Variants in AKR1C3 observed in about 807,000 individuals in gnomAD.
AKR1C3 encodes the protein aldo-keto reductase family 1 member C3.
A neutral mutation model predicts 43.6 loss-of-function variants in AKR1C3; 48 were observed. That is an observed-to-expected ratio of 1.10 (90% CI 0.87 to 1.40). The LOEUF (loss-of-function observed/expected upper bound fraction) is 1.40, where lower values mean the gene tolerates loss of function less well. Among genes scored for constraint, AKR1C3 ranks in the 40% most tolerant of loss-of-function variants. The probability of loss-of-function intolerance (pLI) is 0.00; values close to 1 mark genes in which losing one functional copy is unlikely to be tolerated. For missense variants in AKR1C3, 482 were observed against 391.2 expected, an observed-to-expected ratio of 1.23 and a Z score of -1.96; for synonymous variants, 162 against 139.6, an observed-to-expected ratio of 1.16 and a Z score of -1.13.
intron 1 of AKR1C3, among the ~76,000 whole-genome samples, chr10:5,077,475 G>C (rs1182602944): frequency 6.6e-6 from 1 of 152,056 alleles, no homozygotes; most frequent in African/African-American, 2.4e-5. Context: ...ATTTCTTCTT[G>C]ACTCCCTACC....
chr10:5,088,171 C>A (rs936284296), intron 1 of AKR1C3, among the ~76,000 whole-genome samples: 55 of 152,172 alleles, frequency 3.6e-4, no homozygotes, highest in African/African-American at 1.3e-3. Context: ...TATTCAACTG[C>A]AGTCTGAAAA....
At chr10:5,073,819 G>C (rs1838658124) in intron 1 of AKR1C3, among the ~76,000 whole-genome samples, 1 of 152,038 alleles carries the variant, frequency 6.6e-6, no homozygotes, top group Non-Finnish European at 1.5e-5. Flanking sequence ...CCTGTTCTGT[G>C]GTTGTAAATC....
chr10:5,083,556 A>T (rs1398326018), intron 1 of AKR1C3, among the ~76,000 whole-genome samples: 2 of 152,180 alleles, frequency 1.3e-5, no homozygotes, highest in African/African-American at 2.4e-5. Flanking sequence ...ATGTGTCTTT[A>T]TAGCAGCATG....
chr10:5,105,723 G>C (rs782542928), intron 8 of AKR1C3, 46 bp downstream of exon 8: 30 of 1,470,966 alleles, frequency 2.0e-5, no homozygotes, highest in Non-Finnish European at 2.7e-5. Context: ...TTCTGGAGAA[G>C]GAATGTAGGA....
At chr10:5,084,757 T>C (rs1196805685) in intron 1 of AKR1C3, among the ~76,000 whole-genome samples, 4 of 152,168 alleles carry the variant, frequency 2.6e-5, no homozygotes, top group African/African-American at 7.2e-5. Context: ...TTTCATTGAG[T>C]AGTGGTTTGT....
At chr10:5,094,913 G>A (rs931765770) in intron 1 of AKR1C3, among the ~76,000 whole-genome samples, 3 of 152,062 alleles carry the variant, frequency 2.0e-5, no homozygotes, top group Non-Finnish European at 2.9e-5. Flanking sequence ...ACGATCCAGA[G>A]AAATACTTAT....
At chr10:5,100,577 T>A (rs1483084041) in intron 5 of AKR1C3, among the ~76,000 whole-genome samples, 2 of 152,178 alleles carry the variant, frequency 1.3e-5, no homozygotes, top group Admixed American at 6.5e-5. Flanking sequence ...CACAAAAAAA[T>A]TCAAAATTAA....
rs574925010 is a variant in AKR1C3 at position 5,059,803 on chromosome 10, C to A, written c.84+10908C>A. ...TCTCACCCCTCGGCGATAGTCTCAC[C>A]CCTTGGCAATAGGTGATGGTCCCTT... On this transcript the variant is annotated intron_variant, in intron 1 of 8. Coordinates refer to the AKR1C3 transcript ENST00000439082. 2.0e-3 allele frequency among the ~76,000 whole-genome samples: 310 copies of A among 152,152 alleles called. 2 individuals are homozygous for A. The highest frequency in any genetic ancestry group is 6.6e-3 in the African/African-American group (274 of 41,474).
intron 1 of AKR1C3, among the ~76,000 whole-genome samples, chr10:5,052,113 A>G (rs1434794965): frequency 2.6e-5 from 4 of 152,044 alleles, no homozygotes; most frequent in African/African-American, 9.7e-5. Context: ...TTCGGAGTTT[A>G]TTCCTTCTGG....
chr10:5,094,510 C>T lies in AKR1C3; in HGVS notation c.66C>T (p.Gly22=). The change falls in exon 1 of 9, where the codon GGC becomes GGT. Residue 22 remains glycine, a synonymous_variant. Transcript: ENST00000380554. ...ACTTCATGCCTGTATTGGGATTTGG[C>T]ACCTATGCACCTCCAGAGGTAAGAA... ...DGHFMPVLGF[G]TYAPPEVPRS... is the part of the protein sequence containing the mutation. The T allele has an allele frequency of 1.2e-6, 2 of 1,612,678 alleles. No individual in the cohort carries two copies. Among genetic ancestry groups the T allele is most frequent in the Non-Finnish European group, 1.7e-6 (2 of 1,178,914 alleles).
intron 1 of AKR1C3, among the ~76,000 whole-genome samples, chr10:5,057,923 C>A (rs1222399206): frequency 2.0e-5 from 3 of 152,198 alleles, no homozygotes; most frequent in South Asian, 2.1e-4. Context: ...TTGCCCTAGA[C>A]CCTGTAGGAC....
chr10:5,091,318 AC>A (rs1839084426), upstream of AKR1C3, among the ~76,000 whole-genome samples: 1 of 152,148 alleles, frequency 6.6e-6, no homozygotes. Context: ...GGCTTGAAAC[AC>A]CACAAATTAA....
At chr10:5,084,707 G>A (rs1302647022) in intron 1 of AKR1C3, among the ~76,000 whole-genome samples, 1 of 152,122 alleles carries the variant, frequency 6.6e-6, no homozygotes, top group Non-Finnish European at 1.5e-5. Flanking sequence ...TCCTACCCAT[G>A]AGCATGGAAT....
At chr10:5,085,505 G>T (rs528433413) in intron 1 of AKR1C3, among the ~76,000 whole-genome samples, 2 of 151,388 alleles carry the variant, frequency 1.3e-5, no homozygotes, top group Non-Finnish European at 2.9e-5. Flanking sequence ...TTTTTGCATC[G>T]ATTTCATCAG....
chr10:5,094,327 C>A, upstream of AKR1C3: 1 of 1,164,856 alleles, frequency 8.6e-7, no homozygotes, highest in Non-Finnish European at 1.2e-6. Flanking sequence ...TCCTACATGC[C>A]ATTGGTTAAC....
chr10:5,071,231 T>A (rs565143283), intron 1 of AKR1C3, among the ~76,000 whole-genome samples: 19 of 152,194 alleles, frequency 1.2e-4, no homozygotes, highest in Non-Finnish European at 2.1e-4. Flanking sequence ...AGTGATCTCA[T>A]TGGATGAGAG....
chr10:5,050,492 C>T (rs1564350105), intron 1 of AKR1C3, among the ~76,000 whole-genome samples: 1 of 152,180 alleles, frequency 6.6e-6, no homozygotes, highest in African/African-American at 2.4e-5. Flanking sequence ...AGTTATGTAA[C>T]TGCTGGCAGT....
chr10:5,076,775 C>G (rs1490321029), intron 1 of AKR1C3, among the ~76,000 whole-genome samples: 1 of 152,130 alleles, frequency 6.6e-6, no homozygotes, highest in East Asian at 1.9e-4. Context: ...ATGCATAGAG[C>G]TCTGTCTGGG....
At position 5,102,583 on chromosome 10, in the gene AKR1C3, AGCTGCAGCGT is replaced by A; in HGVS notation, c.781_790del (p.Leu261GlyfsTer25). On this transcript the variant is annotated frameshift_variant, in exon 7 of 9. Coordinates refer to ENST00000380554, the MANE Select transcript of AKR1C3 (RefSeq NM_003739.6). LOFTEE classifies it high-confidence loss of function. The stretch of plus-strand genomic sequence containing the variant: ...CCAGCCCTGATTGCCCTGCGCTACC[AGCTGCAGCGT>A]GGGGTTGTGGTCCTGGCCAAGAGCT... The A allele has an allele frequency of 6.4e-7, 1 of 1,551,122 alleles. No individual in the cohort carries two copies. The highest frequency in any genetic ancestry group is 2.4e-4 in the Middle Eastern group (1 of 4,230).
Sources: allele counts gnomAD v4.1 joint callset (sites outside exome capture counted in the v4.1 genomes callset), GRCh38; gene constraint gnomAD v4.1.1; transcripts MANE v1.5; gene names NCBI Gene and HGNC (gene_info 2026-07-23, HGNC 2026-07-21).